The following PRDM5 variants were observed in gnomAD, a reference collection of about 807,000 sequenced individuals.
PRDM5 encodes PR domain zinc finger protein 5.
In PRDM5, 56 loss-of-function variants were observed where a neutral mutation model predicts 81.2. That is an observed-to-expected ratio of 0.69 (90% CI 0.56 to 0.86). The LOEUF (loss-of-function observed/expected upper bound fraction) is 0.86, where lower values mean the gene tolerates loss of function less well. PRDM5 is among the 40% of genes least tolerant of loss of function. The pLI, the probability that PRDM5 is intolerant of heterozygous loss-of-function variation, is 0.00. For synonymous variants in PRDM5, 267 were observed against 256.4 expected, an observed-to-expected ratio of 1.04 and a Z score of -0.39; for missense variants, 697 against 770.1, an observed-to-expected ratio of 0.91 and a Z score of 1.12.
At chr4:120,863,518 G>A (rs992439908) in intron 2 of PRDM5, among the ~76,000 whole-genome samples, 4 of 152,008 alleles carry the variant, frequency 2.6e-5, no homozygotes, top group Non-Finnish European at 5.9e-5. Flanking sequence ...AATAGGAGAG[G>A]CAGAGGGTCA....
At chr4:120,695,524 A>C (rs1462488682) in intron 15 of PRDM5, among the ~76,000 whole-genome samples, 1 of 152,150 alleles carries the variant, frequency 6.6e-6, no homozygotes, top group Non-Finnish European at 1.5e-5. Context: ...AAACTATTTA[A>C]GCAAAATGCT....
At chr4:120,800,763 A>C (rs1472288635) in intron 8 of PRDM5, among the ~76,000 whole-genome samples, 1 of 152,166 alleles carries the variant, frequency 6.6e-6, no homozygotes, top group Non-Finnish European at 1.5e-5. Context: ...GCATTAATTT[A>C]TTTCACTAAA....
At chr4:120,879,765 C>T (rs1190801027) in intron 2 of PRDM5, among the ~76,000 whole-genome samples, 1 of 151,872 alleles carries the variant, frequency 6.6e-6, no homozygotes, top group African/African-American at 2.4e-5. Context: ...GGTTCAGTGC[C>T]CCTCCCCTGT....
chr4:120,740,103 A>T (rs1376589927), intron 14 of PRDM5, among the ~76,000 whole-genome samples: 1 of 152,194 alleles, frequency 6.6e-6, no homozygotes, highest in Non-Finnish European at 1.5e-5. Flanking sequence ...ATACAACGGT[A>T]TTTTGAAGTC....
At chr4:120,727,297 G>GCA (rs1196216554) in intron 14 of PRDM5, among the ~76,000 whole-genome samples, 8 of 105,346 alleles carry the variant, frequency 7.6e-5, no homozygotes, top group Non-Finnish European at 1.5e-4. Context: ...AAAGATGTAT[G>GCA]TATATATGTG....
chr4:120,887,438 G>T (rs1463900174), intron 2 of PRDM5, among the ~76,000 whole-genome samples: 1 of 152,080 alleles, frequency 6.6e-6, no homozygotes, highest in African/African-American at 2.4e-5. Flanking sequence ...CTCTCTACCT[G>T]TTCTCCACGA....
At chr4:120,874,736 G>A (rs34698926) in intron 2 of PRDM5, among the ~76,000 whole-genome samples, 3 of 152,016 alleles carry the variant, frequency 2.0e-5, no homozygotes, top group African/African-American at 7.2e-5. Flanking sequence ...GGGGGAAGAA[G>A]AAATTGAGTT....
At chr4:120,908,371 C>T (rs751915680) in intron 1 of PRDM5, among the ~76,000 whole-genome samples, 7 of 152,182 alleles carry the variant, frequency 4.6e-5, no homozygotes, top group Non-Finnish European at 7.4e-5. Context: ...TGCTTCTAAA[C>T]CTGCCTATGA....
chr4:120,734,637 C>A (rs1314028352), intron 14 of PRDM5, among the ~76,000 whole-genome samples: 2 of 152,056 alleles, frequency 1.3e-5, no homozygotes, highest in Non-Finnish European at 2.9e-5. Flanking sequence ...TTCAGTGCCA[C>A]CTCCCTGTTT....
rs1734210311 is a variant in PRDM5, at chr4:120,693,430, A to C, written c.*1681T>G. 1 of 152,154 alleles carries C rather than the reference A, an allele frequency of 6.6e-6. No homozygotes were observed. Among genetic ancestry groups the C allele is most frequent in the Non-Finnish European group, 1.5e-5 (1 of 68,016 alleles). 9.4% of individuals were successfully genotyped at this position (152,154 alleles called of 1,614,324 possible). A position where few individuals can be genotyped will look rare whatever the true frequency, so the allele number is the denominator to read the frequency against. ...TAAAAATATATTGTTGAAACAAATG[A>C]TATAGTGAGAAACAAGACCAAAATT... On this transcript the variant is annotated 3_prime_UTR_variant, in exon 16 of 16. Transcript: ENST00000264808.
intron 13 of PRDM5, among the ~76,000 whole-genome samples, chr4:120,766,400 A>T (rs1746390159): frequency 6.6e-6 from 1 of 152,216 alleles, no homozygotes; most frequent in African/African-American, 2.4e-5. Context: ...AATACTCTGG[A>T]TATAAAGGTG....
intron 2 of PRDM5, among the ~76,000 whole-genome samples, chr4:120,867,608 T>C (rs1453447031): frequency 6.6e-6 from 1 of 152,182 alleles, no homozygotes; most frequent in Non-Finnish European, 1.5e-5. Flanking sequence ...AAAATACAGA[T>C]GTAGAACACA....
chr4:120,719,481 T>C (rs1738272608), intron 14 of PRDM5, among the ~76,000 whole-genome samples: 1 of 152,214 alleles, frequency 6.6e-6, no homozygotes, highest in Non-Finnish European at 1.5e-5. Context: ...GGGCTGCCAC[T>C]GGTCTGCGAG....
chr4:120,918,334 T>C (rs1724459595), intron 1 of PRDM5, among the ~76,000 whole-genome samples: 1 of 152,182 alleles, frequency 6.6e-6, no homozygotes, highest in African/African-American at 2.4e-5. Flanking sequence ...AGATTAGTTA[T>C]CATCGGCCAC....
At chr4:120,822,865 C>T (rs1755468170) in intron 3 of PRDM5, among the ~76,000 whole-genome samples, 1 of 152,228 alleles carries the variant, frequency 6.6e-6, no homozygotes, top group South Asian at 2.1e-4. Flanking sequence ...ATTCCTATAA[C>T]ATTTTGAACA....
At position 120,853,161 on chromosome 4, in the gene PRDM5, G is replaced by C. The variant is rs192654358; in HGVS notation, c.300+257C>G. Among the ~76,000 whole-genome samples, 5 of 152,194 alleles carry C rather than the reference G, an allele frequency of 3.3e-5. No individual in the cohort carries two copies. In the East Asian group the frequency reaches 9.6e-4, roughly 29 times the overall value. The stretch of plus-strand genomic sequence containing the variant: ...GAATGAAATAAAAGTACCTGAAAGC[G>C]AGATCTGCCAAGGACAATATCAGAC... On this transcript the variant is annotated intron_variant, in intron 3 of 15. Transcript: ENST00000264808.
At chr4:120,768,295 T>C (rs1746699241) in intron 13 of PRDM5, among the ~76,000 whole-genome samples, 1 of 152,194 alleles carries the variant, frequency 6.6e-6, no homozygotes, top group African/African-American at 2.4e-5. Context: ...TGTTTTATTA[T>C]TTTGATAGTG....
At chr4:120,722,822 A>G (rs1034417290) in intron 14 of PRDM5, among the ~76,000 whole-genome samples, 3 of 152,156 alleles carry the variant, frequency 2.0e-5, no homozygotes, top group African/African-American at 7.2e-5. Flanking sequence ...GATACAGACC[A>G]CATAAGGAGA....
At chr4:120,822,575 A>G (rs1469433540) in intron 3 of PRDM5, among the ~76,000 whole-genome samples, 7 of 152,234 alleles carry the variant, frequency 4.6e-5, no homozygotes. Flanking sequence ...AAACACAATT[A>G]GAACCTTCAT....
Sources: allele counts gnomAD v4.1 joint callset (sites outside exome capture counted in the v4.1 genomes callset), GRCh38; gene constraint gnomAD v4.1.1; transcripts MANE v1.5; gene names NCBI Gene and HGNC (gene_info 2026-07-23, HGNC 2026-07-21).